Variants in DNM2 observed in about 807,000 individuals in gnomAD.
The protein encoded by DNM2 is dynamin 2.
A neutral mutation model predicts 99.0 loss-of-function variants in DNM2; 15 were observed. That is an observed-to-expected ratio of 0.15 (90% CI 0.10 to 0.23). The LOEUF is 0.23. Among genes scored for constraint, DNM2 ranks in the 10% least tolerant of loss-of-function variants. The pLI is 1.00. For synonymous variants in DNM2, 525 were observed against 481.2 expected (o/e 1.09, Z -1.19); for missense variants, 742 against 1,189.4 (o/e 0.62, Z 5.53).
chr19:10,754,554 C>T (rs1315623119), intron 1 of DNM2, among the ~76,000 whole-genome samples: 3 of 150,922 alleles, frequency 2.0e-5, no homozygotes, highest in Admixed American at 6.6e-5. Flanking sequence ...ACTGGCCAAT[C>T]GCATAAATCT....
Position 10,804,529 on chromosome 19 carries a change from A to C in DNM2, c.1494-1387A>C, listed in dbSNP as rs562418747. ...AACATGGTGAAACCCTGTCTCTACA[A>C]AAAATACAAAAATTAACTGGGCATG... On this transcript the variant is annotated intron_variant, in intron 12 of 20. Transcript: ENST00000389253. Among the ~76,000 whole-genome samples, 4 of 152,204 alleles carry C rather than the reference A, an allele frequency of 2.6e-5. No homozygotes were observed. The South Asian group carries it at 8.3e-4, about 32-fold the overall frequency.
At chr19:10,743,897 G>C (rs1420294137) in intron 1 of DNM2, among the ~76,000 whole-genome samples, 3 of 148,358 alleles carry the variant, frequency 2.0e-5, no homozygotes, top group African/African-American at 7.5e-5. Context: ...TGAGGCAGCA[G>C]AATTGCTTGA....
chr19:10,738,199 A>G (rs2069600061), intron 1 of DNM2, among the ~76,000 whole-genome samples: 1 of 151,970 alleles, frequency 6.6e-6, no homozygotes, highest in South Asian at 2.1e-4. Context: ...TGGAGGTTGC[A>G]GTGAGCCAAG....
chr19:10,772,409 T>G lies in DNM2; in HGVS notation c.236-70T>G. On this transcript the variant is annotated intron_variant, in intron 2 of 20. Coordinates refer to ENST00000389253, the MANE Select transcript of DNM2 (RefSeq NM_001005361.3). This position sits in a 1 kb window ranked among gnomAD's most constrained non-coding sequence, Gnocchi z 4.9. ...CATTACTTTCATTCAACAAAGCATT[T>G]CTCCCCGCAGTCCATGCGCACCCTG... 1 of 1,597,742 alleles carries G rather than the reference T, an allele frequency of 6.3e-7. No homozygotes were observed. The highest frequency in any genetic ancestry group is 8.5e-7 in the Non-Finnish European group (1 of 1,172,242).
intron 1 of DNM2, among the ~76,000 whole-genome samples, chr19:10,724,807 A>G (rs1430988848): frequency 6.6e-6 from 1 of 152,226 alleles, no homozygotes; most frequent in Non-Finnish European, 1.5e-5. Context: ...CTCAGTAAGC[A>G]GACTCCACAG....
At position 10,796,349 on chromosome 19, in the gene DNM2, C is replaced by A; in HGVS notation, c.1196+910C>A. The stretch of plus-strand genomic sequence containing the variant: ...CGTGAACTTGGCCTCTCCCCAGAGG[C>A]TGGGGCAGGAGCATGTAGGCCTGGG... On this transcript the variant is annotated intron_variant, in intron 9 of 20. Coordinates refer to ENST00000389253, the MANE Select transcript of DNM2 (RefSeq NM_001005361.3). The surrounding 1 kb of genome is among the most constrained non-coding windows in gnomAD (Gnocchi z 5.6). 2 of 1,252,030 alleles carry A rather than the reference C, an allele frequency of 1.6e-6. No individual in the cohort carries two copies. The highest frequency in any genetic ancestry group is 2.3e-6 in the Non-Finnish European group (2 of 878,880). 77.6% of individuals were successfully genotyped at this position (1,252,030 alleles called of 1,614,324 possible).
chr19:10,729,143 C>T (rs1286280054), intron 1 of DNM2, among the ~76,000 whole-genome samples: 3 of 87,562 alleles, frequency 3.4e-5, no homozygotes, highest in East Asian at 3.3e-4. Context: ...CCAGCCTGGG[C>T]GACAGAGCGA....
At chr19:10,797,634 G>C (rs1471051986) in intron 10 of DNM2, 116 bp downstream of exon 10, 2 of 1,521,296 alleles carry the variant, frequency 1.3e-6, no homozygotes, top group South Asian at 1.1e-5. Context: ...CCGCCTACCA[G>C]TTGTCACTTA....
intron 1 of DNM2, among the ~76,000 whole-genome samples, chr19:10,727,334 T>G (rs1040395011): frequency 6.6e-6 from 1 of 152,002 alleles, no homozygotes; most frequent in Non-Finnish European, 1.5e-5. Context: ...AGTTGTAGAT[T>G]TAGAGAGGAG....
At chr19:10,722,589 C>T (rs1227870203) in intron 1 of DNM2, among the ~76,000 whole-genome samples, 4 of 151,932 alleles carry the variant, frequency 2.6e-5, no homozygotes, top group Admixed American at 2.6e-4. Flanking sequence ...GTGATCCGTC[C>T]ACCTCGGCCT....
intron 11 of DNM2, among the ~76,000 whole-genome samples, chr19:10,801,668 A>G (rs1258417823): frequency 6.7e-6 from 1 of 150,168 alleles, no homozygotes; most frequent in African/African-American, 2.5e-5. Context: ...GCACTTTGAG[A>G]GGCCGAGGCG....
In DNM2 at chr19:10,831,108, G is replaced by A. The variant is rs1211059522; in HGVS notation, c.*61G>A. The A allele has an allele frequency of 7.8e-6, 12 of 1,533,054 alleles. No homozygotes were observed. Among genetic ancestry groups the A allele is most frequent in the Non-Finnish European group, 1.1e-5 (12 of 1,139,460 alleles). 95.0% of individuals were successfully genotyped at this position (1,533,054 alleles called of 1,614,324 possible). A position where few individuals can be genotyped will look rare whatever the true frequency, so the allele number is the denominator to read the frequency against. ...GCACCCGCGGCGCAGGAGCTTCAGT[G>A]GTCTGGGGCCCTCCGCCGCCCCTAT... On this transcript the variant is annotated 3_prime_UTR_variant, in exon 21 of 21. Coordinates refer to ENST00000389253, the MANE Select transcript of DNM2 (RefSeq NM_001005361.3). The surrounding 1 kb of genome is among the most constrained non-coding windows in gnomAD (Gnocchi z 4.3).
At chr19:10,807,495 C>G (rs1424957396) in intron 13 of DNM2, among the ~76,000 whole-genome samples, 2 of 150,536 alleles carry the variant, frequency 1.3e-5, no homozygotes, top group Non-Finnish European at 3.0e-5. Flanking sequence ...CCGCCTCGGC[C>G]TCCCAAAGTG....
At chr19:10,800,785 C>A (rs1306502671) in intron 11 of DNM2, among the ~76,000 whole-genome samples, 1 of 152,246 alleles carries the variant, frequency 6.6e-6, no homozygotes, top group Non-Finnish European at 1.5e-5. Context: ...TTCCCATAGA[C>A]CAACTTCATC....
chr19:10,830,319 G>A lies in DNM2; in HGVS notation c.2484G>A (p.Pro828=), dbSNP rs114682382. 1.8e-3 allele frequency: 2,929 copies of A among 1,613,434 alleles called. 55 individuals are homozygous for A. In the African/African-American group the frequency reaches 0.035, roughly 19 times the overall value. ...VFANSDLFPA[P]PQIPSRPVRI... is the part of the protein sequence containing the mutation. ...CCAACAGTGACCTCTTCCCAGCCCC[G>A]CCTCAGATCCCATCTCGGCCAGTTC... Residue 828 remains proline, a synonymous_variant, in exon 20 of 21, where the codon CCG becomes CCA. Transcript: ENST00000389253. This position sits in a 1 kb window ranked among gnomAD's most constrained non-coding sequence, Gnocchi z 4.8.
intron 1 of DNM2, among the ~76,000 whole-genome samples, chr19:10,732,728 T>C (rs1411713258): frequency 6.6e-6 from 1 of 152,060 alleles, no homozygotes; most frequent in Admixed American, 6.6e-5. Context: ...TATATATTTC[T>C]AGGTGTGACT....
intron 2 of DNM2, among the ~76,000 whole-genome samples, chr19:10,767,751 T>C (rs1456817386): frequency 6.6e-6 from 1 of 152,028 alleles, no homozygotes; most frequent in Non-Finnish European, 1.5e-5. Flanking sequence ...ACTAAAAATA[T>C]ACAAATTAGC....
Position 10,798,512 on chromosome 19 carries a change from G to A in DNM2, c.1362G>A (p.Glu454=). 1 of 1,614,216 alleles carries A rather than the reference G, an allele frequency of 6.2e-7. No homozygotes were observed. Among genetic ancestry groups the A allele is most frequent in the Non-Finnish European group, 8.5e-7 (1 of 1,180,030 alleles). ...EKLSSYPRLR[E]ETERIVTTYI... ...TCAGTTCCTACCCCCGGTTGCGAGAGGAGACAGAGCGAATCGTCACCACTT... is the reference window on the plus strand; with the variant it reads ...TCAGTTCCTACCCCCGGTTGCGAGAAGAGACAGAGCGAATCGTCACCACTT... The change falls in exon 11 of 21, where the codon GAG becomes GAA. Residue 454 remains glutamate (E), a synonymous_variant. Coordinates refer to ENST00000389253, the MANE Select transcript of DNM2 (RefSeq NM_001005361.3).
chr19:10,798,637 C>T (rs1415554577), intron 11 of DNM2, 65 bp downstream of exon 11: 1 of 1,583,164 alleles, frequency 6.3e-7, no homozygotes, highest in Non-Finnish European at 8.7e-7. Context: ...GTGTACTGTT[C>T]TGTGCATGCT....
Sources: gnomAD v4.1 joint callset for allele counts (sites outside exome capture counted in the v4.1 genomes callset) on GRCh38, gnomAD v4.1.1 for gene constraint, Gnocchi (gnomAD v3.1) non-coding constraint, MANE v1.5 for transcripts, NCBI Gene and HGNC (gene_info 2026-07-23, HGNC 2026-07-21) for gene names.